TRPM5: variants seen among roughly 807,000 people sequenced by gnomAD.
TRPM5 encodes transient receptor potential cation channel subfamily M member 5.
TRPM5 carries 121 observed loss-of-function variants against 124.9 expected under a neutral mutation model. That is an observed-to-expected ratio of 0.97 (90% CI 0.84 to 1.13). The LOEUF is 1.13. TRPM5 is among the 50% of genes most tolerant of loss of function. TRPM5 has a pLI of 0.00. For missense variants in TRPM5, 1,643 were observed against 1,589.1 expected, an observed-to-expected ratio of 1.03 and a Z score of -0.58; for synonymous variants, 781 against 700.5, an observed-to-expected ratio of 1.11 and a Z score of -1.81.
At chr11:2,424,502 A>G (rs1300652039), upstream of TRPM5, among the ~76,000 whole-genome samples, 2 of 152,276 alleles carry the variant, frequency 1.3e-5, no homozygotes, top group African/African-American at 4.8e-5. Context: ...AGATGAGGCC[A>G]TGCTGGAGCA....
At chr11:2,407,645 C>T in intron 19 of TRPM5, 114 bp downstream of exon 24, 2 of 1,378,360 alleles carry the variant, frequency 1.5e-6, no homozygotes, top group Non-Finnish European at 2.0e-6. Flanking sequence ...CCTGAGGCAC[C>T]AAGCCTCACC....
chr11:2,413,369 T>G, intron 13 of TRPM5, 107 bp downstream of exon 18: 2 of 1,315,384 alleles, frequency 1.5e-6, no homozygotes, highest in Non-Finnish European at 1.0e-6. Flanking sequence ...ACTTGGGGGC[T>G]ACAGAGTCAG....
At chr11:2,443,976 G>A in the TRPM5 span, among the ~76,000 whole-genome samples, 5 of 152,202 alleles carry the variant, frequency 3.3e-5, no homozygotes, top group Non-Finnish European at 4.4e-5. This position sits in a 1 kb window ranked among gnomAD's most constrained non-coding sequence, Gnocchi z 5.0. Context: ...CGACGGTGGG[G>A]AGGACAAGGC....
At chr11:2,417,885 G>A in intron 6 of TRPM5, 56 bp from the exon 12 acceptor site, 1 of 1,485,730 alleles carries the variant, frequency 6.7e-7, no homozygotes. Context: ...GGGGGCAGAG[G>A]CAGGCCGTGG....
intron 19 of TRPM5, among the ~76,000 whole-genome samples, 158 bp downstream of exon 24, chr11:2,407,601 C>A (rs1850349344): frequency 6.6e-6 from 1 of 152,222 alleles, no homozygotes; most frequent in Non-Finnish European, 1.5e-5. Context: ...GCAGGCAAAG[C>A]CCTGCAGTCC....
intron 15 of TRPM5, 84 bp from the exon 21 acceptor site, chr11:2,412,337 A>ATGG: frequency 1.3e-6 from 1 of 745,404 alleles, no homozygotes; most frequent in Non-Finnish European, 1.9e-6. Context: ...TTGGATCTGT[A>ATGG]AGGATCAGGG....
At chr11:2,430,610 G>GGCA in the TRPM5 span, among the ~76,000 whole-genome samples, 5 of 152,020 alleles carry the variant, frequency 3.3e-5, no homozygotes, top group Non-Finnish European at 5.9e-5. Context: ...TGGTTTTGGT[G>GGCA]GTGGTGATGT....
chr11:2,420,430 C>A, intron 3 of TRPM5, 25 bp from the exon 9 acceptor site: 1 of 1,579,362 alleles, frequency 6.3e-7, no homozygotes. Flanking sequence ...GGAGACGAGG[C>A]TGAGCCCTCG....
exon 16 of TRPM5, chr11:2,412,249 A>C: frequency 6.2e-7 from 1 of 1,612,772 alleles, no homozygotes; most frequent in South Asian, 1.1e-5. Flanking sequence ...GTCTGTGAAG[A>C]AGCCCTGGGA....
At position 2,406,021 on chromosome 11, in the gene TRPM5, G is replaced by A. The variant is rs746497833; in HGVS notation, c.3322C>T (p.Gln1108Ter). 1.9e-6 allele frequency: 3 copies of A among 1,611,180 alleles called. No homozygotes were observed. In the African/African-American group the frequency reaches 4.0e-5, roughly 22 times the overall value. ...GAGGAGCTCTGGGGCTCGCTTGCCT[G>A]TGACTCCAGACACTTGATGCGCTTT... Residue 1108 changes from glutamine to a stop codon, truncating the protein, a stop_gained and splice_region_variant, in exon 22 of 24, where the codon CAG (glutamine) becomes TAG (stop). Coordinates refer to ENST00000155858, the Ensembl canonical transcript of TRPM5. LOFTEE classifies it high-confidence loss of function.
chr11:2,426,109 T>A (rs994156357), upstream of TRPM5, among the ~76,000 whole-genome samples: 2 of 151,962 alleles, frequency 1.3e-5, no homozygotes, highest in Non-Finnish European at 2.9e-5. Flanking sequence ...CCAGCAGCCA[T>A]CAGAGGTGGA....
At position 2,412,742 on chromosome 11, in the gene TRPM5, G is replaced by A. The variant is rs374231080; in HGVS notation, c.2355+12C>T. 1.2e-4 allele frequency: 197 copies of A among 1,580,152 alleles called. No individual in the cohort carries two copies. The highest frequency in any genetic ancestry group is 1.6e-4 in the Non-Finnish European group (183 of 1,163,208). ...CAGAGTGGAGGGGACCTAGGCTAGT[G>A]TGGCCACCGACCTGCCGGATTTCCT... is the stretch of plus-strand genomic sequence containing the variant. On this transcript the variant is annotated intron_variant, in intron 15 of 23. Coordinates refer to ENST00000155858, the Ensembl canonical transcript of TRPM5.
chr11:2,431,369 T>C, the TRPM5 span, among the ~76,000 whole-genome samples: 334 of 152,264 alleles, frequency 2.2e-3, 3 homozygotes, highest in African/African-American at 7.6e-3. Context: ...TCCACTCCTC[T>C]AGCCTGTGTC....
At chr11:2,405,951 A>G (rs1309319846) in intron 22 of TRPM5, 68 bp downstream of exon 27, 1 of 1,384,922 alleles carries the variant, frequency 7.2e-7, no homozygotes, top group Non-Finnish European at 1.0e-6. Flanking sequence ...AGGGCTGTGG[A>G]CCCATCCCAG....
chr11:2,422,377 G>A, intron 1 of TRPM5, 56 bp from the exon 7 acceptor site: 1 of 1,490,638 alleles, frequency 6.7e-7, no homozygotes, highest in South Asian at 1.2e-5. Flanking sequence ...GGGAGCTGCT[G>A]GGCATTGGGG....
chr11:2,414,385 G>C (rs1290059260), intron 11 of TRPM5, among the ~76,000 whole-genome samples, 179 bp from the exon 17 acceptor site: 1 of 152,148 alleles, frequency 6.6e-6, no homozygotes, highest in African/African-American at 2.4e-5. Flanking sequence ...CTGAACCTCC[G>C]TCCTTCTCCG....
chr11:2,414,030 G>A, intron 12 of TRPM5, 31 bp downstream of exon 17: 1 of 404,860 alleles, frequency 2.5e-6, no homozygotes, highest in Non-Finnish European at 4.9e-6. Context: ...CCACCCCCTG[G>A]CAGCTCTCCT....
At chr11:2,417,807 T>C in exon 7 of TRPM5, 1 of 1,553,416 alleles carries the variant, frequency 6.4e-7, no homozygotes, top group Non-Finnish European at 8.7e-7. Context: ...GAGCAGGTGC[T>C]GGTGTGAGGT....
At chr11:2,406,437 G>A (rs1337420402) in intron 21 of TRPM5, among the ~76,000 whole-genome samples, 1 of 152,134 alleles carries the variant, frequency 6.6e-6, no homozygotes, top group Non-Finnish European at 1.5e-5. Context: ...AGCAGGGAGG[G>A]CGCCACGGTC....
Sources: allele counts gnomAD v4.1 joint callset (sites outside exome capture counted in the v4.1 genomes callset), GRCh38; gene constraint gnomAD v4.1.1; non-coding constraint Gnocchi (gnomAD v3.1); transcripts MANE v1.5; gene names NCBI Gene and HGNC (gene_info 2026-07-23, HGNC 2026-07-21).